Variants in MEIS1 observed in about 807,000 individuals in gnomAD.
MEIS1 encodes Meis homeobox 1, also known as homeobox protein Meis1.
In MEIS1, 5 loss-of-function variants were observed where a neutral mutation model predicts 50.8. The observed-to-expected ratio is 0.10, with a 90% CI of 0.05 to 0.21. The LOEUF (loss-of-function observed/expected upper bound fraction) is 0.21, where lower values mean the gene tolerates loss of function less well. MEIS1 is among the 10% of genes least tolerant of loss of function. The probability of loss-of-function intolerance (pLI) is 1.00; values close to 1 mark genes in which losing one functional copy is unlikely to be tolerated. For missense variants in MEIS1, 318 were observed against 517.3 expected, an observed-to-expected ratio of 0.61 and a Z score of 3.74; for synonymous variants, 176 against 179.3, an observed-to-expected ratio of 0.98 and a Z score of 0.15.
intron 8 of MEIS1, among the ~76,000 whole-genome samples, chr2:66,529,416 GTCAT>G: frequency 6.6e-6 from 1 of 152,206 alleles, no homozygotes; most frequent in Non-Finnish European, 1.5e-5. Flanking sequence ...AGTGACTTTT[GTCAT>G]TTATTTGTTT....
chr2:66,497,363 G>A (rs1241030834), intron 7 of MEIS1, among the ~76,000 whole-genome samples: 2 of 152,022 alleles, frequency 1.3e-5, no homozygotes, highest in Non-Finnish European at 2.9e-5. Context: ...AGAAAAGCAA[G>A]GATTGTGAGA....
intron 8 of MEIS1, among the ~76,000 whole-genome samples, chr2:66,541,834 C>T (rs927446736): frequency 6.6e-6 from 1 of 152,168 alleles, no homozygotes; most frequent in African/African-American, 2.4e-5. Flanking sequence ...CTATGTTCTG[C>T]GACTGCACGG....
chr2:66,521,358 A>AG lies in MEIS1; in HGVS notation c.888+9065dup, dbSNP rs1674115423. ...TCTAACACAGAATTTAGCTCCTTGA[A>AG]GATTTTTTTTTTTTGCCTGTCACGT... is the stretch of plus-strand genomic sequence containing the variant. On this transcript the variant is annotated intron_variant, in intron 8 of 12. Transcript: ENST00000272369. Among the ~76,000 whole-genome samples, 3 of 102,030 alleles carry AG rather than the reference A, an allele frequency of 2.9e-5. No homozygotes were observed. In the South Asian group the frequency reaches 1.5e-3, roughly 51 times the overall value. The allele number at this position is 102,030 out of a possible 152,430, so 66.9% of individuals were successfully genotyped here. A position where few individuals can be genotyped will look rare whatever the true frequency, so the allele number is the denominator to read the frequency against.
chr2:66,546,363 G>A (rs1317551161), intron 8 of MEIS1, among the ~76,000 whole-genome samples: 1 of 152,182 alleles, frequency 6.6e-6, no homozygotes, highest in East Asian at 1.9e-4. Flanking sequence ...ATCAAAATCT[G>A]AGAAGTGGGC....
chr2:66,442,798 C>G, intron 5 of MEIS1, 104 bp from the exon 6 acceptor site: 3 of 1,111,330 alleles, frequency 2.7e-6, no homozygotes, highest in Non-Finnish European at 3.8e-6. Context: ...TGTGTTTCCC[C>G]TATTTGGAAG....
chr2:66,500,028 C>G (rs1673511035), intron 7 of MEIS1, among the ~76,000 whole-genome samples: 1 of 152,156 alleles, frequency 6.6e-6, no homozygotes, highest in South Asian at 2.1e-4. Flanking sequence ...TCTTTTGCCT[C>G]TTTATCATCT....
chr2:66,482,713 A>C (rs578214780), intron 7 of MEIS1, among the ~76,000 whole-genome samples: 41 of 152,318 alleles, frequency 2.7e-4, no homozygotes, highest in African/African-American at 9.9e-4. Flanking sequence ...CCCTGTCCTC[A>C]AGGAATTGGT....
intron 7 of MEIS1, among the ~76,000 whole-genome samples, chr2:66,485,479 C>T (rs773234617): frequency 6.6e-6 from 1 of 152,114 alleles, no homozygotes; most frequent in African/African-American, 2.4e-5. Flanking sequence ...GTGTATGTGC[C>T]ACATTTTCTT....
intron 9 of MEIS1, among the ~76,000 whole-genome samples, chr2:66,561,285 C>CT (rs1357990906): frequency 6.6e-6 from 1 of 151,772 alleles, no homozygotes; most frequent in African/African-American, 2.4e-5. Flanking sequence ...ATTTAAATGA[C>CT]TATGATATAG....
chr2:66,516,684 A>C (rs1673979046), intron 8 of MEIS1, among the ~76,000 whole-genome samples: 1 of 152,098 alleles, frequency 6.6e-6, no homozygotes, highest in African/African-American at 2.4e-5. Flanking sequence ...GAGGTTGTAG[A>C]ATCTTCCAGG....
intron 8 of MEIS1, among the ~76,000 whole-genome samples, chr2:66,514,723 G>A (rs1673921539): frequency 6.6e-6 from 1 of 152,150 alleles, no homozygotes; most frequent in Non-Finnish European, 1.5e-5. Flanking sequence ...GAAGAGCAAA[G>A]TTAAGAGATA....
In MEIS1 at chr2:66,471,412, A is replaced by G. The variant is rs568591570; in HGVS notation, c.742+7192A>G. ...TTTGCACACTTGATTTGTGATGTCA[A>G]TGACGTCTGTCTACTGGCCACTGTT... On this transcript the variant is annotated intron_variant, in intron 7 of 12. Transcript: ENST00000272369. Among the ~76,000 whole-genome samples, 7 of 152,332 alleles carry G rather than the reference A, an allele frequency of 4.6e-5. No homozygotes were observed. In the South Asian group the frequency reaches 6.2e-4, roughly 14 times the overall value.
intron 7 of MEIS1, among the ~76,000 whole-genome samples, chr2:66,488,179 T>C (rs545606383): frequency 1.2e-3 from 187 of 152,318 alleles, no homozygotes; most frequent in African/African-American, 4.4e-3. Flanking sequence ...GTCTTCTGCT[T>C]TTTTTCTCCA....
At chr2:66,445,653 G>A (rs933224665) in intron 6 of MEIS1, among the ~76,000 whole-genome samples, 2 of 152,224 alleles carry the variant, frequency 1.3e-5, no homozygotes, top group East Asian at 3.9e-4. Flanking sequence ...CCCGTTGGCG[G>A]CACGGTTTAT....
intron 9 of MEIS1, among the ~76,000 whole-genome samples, chr2:66,560,505 G>A (rs1029680753): frequency 2.0e-5 from 3 of 151,234 alleles, no homozygotes; most frequent in Admixed American, 6.6e-5. Flanking sequence ...AGGATCACTC[G>A]AGCCAGGGAG....
At chr2:66,440,059 G>GAACACA (rs1384456212) in intron 3 of MEIS1, 75 bp downstream of exon 3, 1 of 1,268,476 alleles carries the variant, frequency 7.9e-7, no homozygotes, top group African/African-American at 2.9e-5. Context: ...ACGCGCGCGC[G>GAACACA]CGCGCGCGAA....
intron 6 of MEIS1, among the ~76,000 whole-genome samples, chr2:66,457,645 G>T (rs1672422904): frequency 6.6e-6 from 1 of 152,210 alleles, no homozygotes; most frequent in Non-Finnish European, 1.5e-5. Context: ...ACACTGTTTA[G>T]ACAGAGGGGA....
intron 6 of MEIS1, among the ~76,000 whole-genome samples, chr2:66,446,726 A>G (rs1672157651): frequency 6.6e-6 from 1 of 152,172 alleles, no homozygotes; most frequent in Non-Finnish European, 1.5e-5. Context: ...TTATGGAACC[A>G]GAGAGCCACG....
At chr2:66,519,882 A>G (rs1314503674) in intron 8 of MEIS1, among the ~76,000 whole-genome samples, 1 of 152,080 alleles carries the variant, frequency 6.6e-6, no homozygotes, top group Non-Finnish European at 1.5e-5. Flanking sequence ...ATGGGGTGGT[A>G]TATATTAATT....
Sources: allele counts gnomAD v4.1 joint callset (sites outside exome capture counted in the v4.1 genomes callset), GRCh38; gene constraint gnomAD v4.1.1; transcripts MANE v1.5; gene names NCBI Gene and HGNC (gene_info 2026-07-23, HGNC 2026-07-21).